Variants in KAT6B observed in about 807,000 individuals in gnomAD.
KAT6B encodes the protein histone acetyltransferase KAT6B.
KAT6B carries 10 observed loss-of-function variants against 187.5 expected under a neutral mutation model. That is an observed-to-expected ratio of 0.05 (90% confidence interval 0.03 to 0.09). The LOEUF (loss-of-function observed/expected upper bound fraction) is 0.09. Ranked by LOEUF, KAT6B falls within the 10% of genes least tolerant of loss-of-function variation. The pLI is 1.00. For missense variants in KAT6B, 1,952 were observed against 2,558.9 expected (o/e 0.76, Z 5.12); for synonymous variants, 861 against 926.8 (o/e 0.93, Z 1.29).
chr10:74,856,346 C>T (rs1316729134), intron 3 of KAT6B, among the ~76,000 whole-genome samples: 1 of 152,154 alleles, frequency 6.6e-6, no homozygotes. Context: ...CTAGGCCTCC[C>T]AAAGTGCTGG....
In KAT6B at chr10:74,956,122, G is replaced by T. The variant is rs372296399; in HGVS notation, c.622-3848G>T. ...TATTTTGTAGAGCTGGGGTCTCCCC[G>T]TGTTGCCCAGGTTGGTCCTGCCCTT... On this transcript the variant is annotated intron_variant, in intron 3 of 17. Transcript: ENST00000287239. 2.6e-5 allele frequency among the ~76,000 whole-genome samples: 4 copies of T among 152,078 alleles called. No individual in the cohort carries two copies. In the East Asian group the frequency reaches 7.7e-4, roughly 29 times the overall value.
chr10:74,881,976 C>T (rs909324291), intron 3 of KAT6B, among the ~76,000 whole-genome samples: 1 of 152,176 alleles, frequency 6.6e-6, no homozygotes, highest in African/African-American at 2.4e-5. Context: ...GTTTTAGACA[C>T]CAGAGGCTTC....
chr10:74,947,816 G>C (rs1840056139), intron 3 of KAT6B, among the ~76,000 whole-genome samples: 2 of 152,214 alleles, frequency 1.3e-5, no homozygotes, highest in Admixed American at 1.3e-4. Context: ...TCCTGGCTTT[G>C]CTGCAGCTTG....
At chr10:74,936,893 G>A (rs948208596) in intron 3 of KAT6B, among the ~76,000 whole-genome samples, 3 of 152,310 alleles carry the variant, frequency 2.0e-5, no homozygotes, top group Admixed American at 1.3e-4. Context: ...AAGTTATGAA[G>A]GAGGATGGCA....
chr10:74,979,575 C>A (rs1460521611), intron 10 of KAT6B, among the ~76,000 whole-genome samples: 2 of 149,602 alleles, frequency 1.3e-5, no homozygotes, highest in Non-Finnish European at 3.0e-5. Context: ...CATTTAGCTT[C>A]TAGATTGTGC....
chr10:75,012,140 A>T (rs1191533698), intron 13 of KAT6B, among the ~76,000 whole-genome samples: 1 of 152,132 alleles, frequency 6.6e-6, no homozygotes, highest in Non-Finnish European at 1.5e-5. Context: ...ACTGGGCTAT[A>T]CTTGAAGACA....
chr10:74,972,724 G>GT (rs1841928443), intron 7 of KAT6B, 85 bp downstream of exon 7: 4 of 1,274,180 alleles, frequency 3.1e-6, no homozygotes, highest in Non-Finnish European at 4.5e-6. Flanking sequence ...TCCTTTAGGG[G>GT]TTTTTTGGCA....
intron 3 of KAT6B, among the ~76,000 whole-genome samples, chr10:74,882,067 G>A (rs776583854): frequency 1.3e-4 from 20 of 152,162 alleles, no homozygotes; most frequent in South Asian, 6.2e-4. Flanking sequence ...TGCTCTTCCC[G>A]CTGCGCCTCC....
At chr10:74,968,658 G>C (rs1483024533) in intron 4 of KAT6B, among the ~76,000 whole-genome samples, 1 of 152,064 alleles carries the variant, frequency 6.6e-6, no homozygotes, top group Non-Finnish European at 1.5e-5. Flanking sequence ...TTGGTTGTAA[G>C]TTCTTTCACA....
intron 13 of KAT6B, among the ~76,000 whole-genome samples, chr10:74,991,819 A>C (rs2133887970): frequency 6.6e-6 from 1 of 152,356 alleles, no homozygotes; most frequent in Non-Finnish European, 1.5e-5. Context: ...TCAGTTTAAA[A>C]CCAAAAGAAT....
rs558870021 is a variant in KAT6B, at chr10:74,954,437, A to G, written c.622-5533A>G. Among the ~76,000 whole-genome samples, 4 of 152,302 alleles carry G rather than the reference A, an allele frequency of 2.6e-5. No homozygotes were observed. The South Asian group carries it at 8.3e-4, about 32-fold the overall frequency. On this transcript the variant is annotated intron_variant, in intron 3 of 17. Transcript: ENST00000287239. ...CAGTATTGTGAACTTACTTAATGCC[A>G]TTTGAACCACAATTAAAAAAATAAA... is the stretch of plus-strand genomic sequence containing the variant.
At chr10:74,958,812 G>A (rs1212938882) in intron 3 of KAT6B, among the ~76,000 whole-genome samples, 2 of 151,854 alleles carry the variant, frequency 1.3e-5, no homozygotes, top group Admixed American at 6.6e-5. Context: ...GGCTGAGGCG[G>A]GCGGATCATG....
chr10:74,880,536 G>T (rs539807199), intron 3 of KAT6B, among the ~76,000 whole-genome samples: 1 of 152,144 alleles, frequency 6.6e-6, no homozygotes, highest in Non-Finnish European at 1.5e-5. Context: ...GAACATTTGT[G>T]TACATATTTT....
At chr10:74,871,454 A>G (rs899849177) in intron 3 of KAT6B, among the ~76,000 whole-genome samples, 2 of 152,106 alleles carry the variant, frequency 1.3e-5, no homozygotes, top group African/African-American at 4.8e-5. Context: ...TGGCTTCCCA[A>G]AGTGTTGGGA....
At chr10:74,954,135 TTG>T (rs1220368245) in intron 3 of KAT6B, among the ~76,000 whole-genome samples, 3 of 152,226 alleles carry the variant, frequency 2.0e-5, no homozygotes, top group Non-Finnish European at 4.4e-5. Context: ...TTGTATACTG[TTG>T]TGTCCTCAGC....
chr10:74,872,665 A>G (rs892287168), intron 3 of KAT6B, among the ~76,000 whole-genome samples: 17 of 149,500 alleles, frequency 1.1e-4, no homozygotes, highest in African/African-American at 2.7e-4. Flanking sequence ...GTCTTGTGCC[A>G]CCACTCCTGG....
At chr10:74,854,865 T>C (rs1361279464) in intron 3 of KAT6B, among the ~76,000 whole-genome samples, 3 of 152,212 alleles carry the variant, frequency 2.0e-5, no homozygotes, top group African/African-American at 4.8e-5. Context: ...TTCCTGTCTG[T>C]AGCTCGACAG....
intron 3 of KAT6B, among the ~76,000 whole-genome samples, chr10:74,897,083 T>G (rs1846044132): frequency 6.6e-6 from 1 of 152,218 alleles, no homozygotes. Context: ...GGTATAAGAT[T>G]ATGCCATACT....
chr10:74,928,485 A>G (rs957954984), intron 3 of KAT6B, among the ~76,000 whole-genome samples: 3 of 152,186 alleles, frequency 2.0e-5, no homozygotes, highest in Non-Finnish European at 4.4e-5. Flanking sequence ...GCAGGAAGGG[A>G]GATGAAAAAT....
Sources: allele counts gnomAD v4.1 joint callset (sites outside exome capture counted in the v4.1 genomes callset), GRCh38; gene constraint gnomAD v4.1.1; transcripts MANE v1.5; gene names NCBI Gene and HGNC (gene_info 2026-07-23, HGNC 2026-07-21).